The following RDH16 variants were observed in gnomAD, a reference collection of about 807,000 sequenced individuals.
The protein encoded by RDH16 is human epidermal retinol dehydrogenase.
In RDH16, 25 loss-of-function variants were observed where a neutral mutation model predicts 22.3. That is an observed-to-expected ratio of 1.12 (90% confidence interval 0.82 to 1.56). RDH16 has a LOEUF of 1.56. Ranked by LOEUF, RDH16 falls within the 40% of genes most tolerant of loss-of-function variation. The pLI, the probability that RDH16 is intolerant of heterozygous loss-of-function variation, is 0.00. For synonymous variants in RDH16, 154 were observed against 164.4 expected (o/e 0.94, Z 0.48); for missense variants, 413 against 394.9 (o/e 1.05, Z -0.39).
chr12:56,953,118 T>A, intron 2 of RDH16, 128 bp from the exon 3 acceptor site: 1 of 873,862 alleles, frequency 1.1e-6, no homozygotes, highest in Non-Finnish European at 1.7e-6. Context: ...TTGGAATATT[T>A]AATTTCCAGC....
chr12:56,957,545 A>T lies in RDH16; in HGVS notation c.-83T>A. ...TTCAGACAGGAGGATTTAAGAACACAGAGGGCTGTGGTAGGCAGGGAAGCC... is the reference window on the plus strand; with the variant it reads ...TTCAGACAGGAGGATTTAAGAACACTGAGGGCTGTGGTAGGCAGGGAAGCC... On this transcript the variant is annotated 5_prime_UTR_variant, in exon 1 of 4. Transcript: ENST00000398138. 1 of 1,468,698 alleles carries T rather than the reference A, an allele frequency of 6.8e-7. No homozygotes were observed. The highest frequency in any genetic ancestry group is 9.2e-7 in the Non-Finnish European group (1 of 1,083,586). The allele number at this position is 1,468,698 out of a possible 1,614,324, so 91.0% of individuals were successfully genotyped here.
chr12:56,952,107 G>C lies in RDH16; in HGVS notation c.876C>G (p.Leu292=). 1 of 1,614,200 alleles carries C rather than the reference G, an allele frequency of 6.2e-7. No individual in the cohort carries two copies. The highest frequency in any genetic ancestry group is 8.5e-7 in the Non-Finnish European group (1 of 1,180,038). ...GGAAGGTGGGCATGTAGCTCATGGG[G>C]AGGTAGAGAAGCTTGGCATCCCAGC... ...SAGWDAKLLY[L]PMSYMPTFLV... is the part of the protein sequence containing the mutation. Residue 292 remains leucine, a synonymous_variant, in exon 4 of 4, where the codon CTC becomes CTG. Transcript: ENST00000398138.
chr12:56,957,017 T>G, intron 1 of RDH16, 133 bp downstream of exon 1: 16 of 894,800 alleles, frequency 1.8e-5, no homozygotes, highest in Non-Finnish European at 2.6e-5. Flanking sequence ...GCCTGTTAAG[T>G]GAGAAATATT....
chr12:56,957,268 TC>T lies in RDH16; in HGVS notation c.194del (p.Gly65GlufsTer5). The T allele has an allele frequency of 6.2e-7, 1 of 1,614,118 alleles. No individual in the cohort carries two copies. The highest frequency in any genetic ancestry group is 8.5e-7 in the Non-Finnish European group (1 of 1,180,026). ...AAGTCTGGCCCCTCAGCTGCTCGGC[TC>T]CTTTCTCCGTCAGACATGCAGCCAG... Reference protein sequence around the residue: ...RVLAACLTEKGAEQLRGQTSD... With the variant: ...RVLAACLTEKXAEQLRGQTSD... On this transcript the variant is annotated frameshift_variant, in exon 1 of 4. Transcript: ENST00000398138. LOFTEE classifies it high-confidence loss of function.
rs754364483 is a variant in RDH16 at position 56,957,464 on chromosome 12, G to A, written c.-2C>T. The A allele has an allele frequency of 2.5e-6, 4 of 1,606,838 alleles. No homozygotes were observed. The South Asian group carries it at 4.4e-5, about 18-fold the overall frequency. On this transcript the variant is annotated 5_prime_UTR_variant, in exon 1 of 4. Transcript: ENST00000398138. ...GAAAACCGCCAGGTAGAGCCACATG[G>A]CTTTGCAGAGGACAGACACAGACAG...
In RDH16 at chr12:56,957,236, C is replaced by A. The variant is rs141054345; in HGVS notation, c.227G>T (p.Arg76Met). ...AEQLRGQTSD[R>M]LETVTLDVTK... ...AACATCCAGGGTCACCGTCTCCAGC[C>A]TGTCTGAAGTCTGGCCCCTCAGCTG... Residue 76 changes from arginine to methionine, a missense_variant, in exon 1 of 4, where the codon AGG becomes ATG. Physicochemically the swap from Arg to Met is moderately conservative, Grantham distance 91 (BLOSUM62 -1). Transcript: ENST00000398138. The A allele has an allele frequency of 1.7e-4, 276 of 1,614,182 alleles. 2 individuals carry two copies. In the East Asian group the frequency reaches 4.7e-3, roughly 27 times the overall value.
chr12:56,954,488 G>A (rs1955908920), intron 2 of RDH16, among the ~76,000 whole-genome samples: 1 of 152,182 alleles, frequency 6.6e-6, no homozygotes, highest in Non-Finnish European at 1.5e-5. Context: ...ATACCAAGGT[G>A]CAATGGGAAG....
chr12:56,957,409 G>T lies in RDH16; in HGVS notation c.54C>A (p.Tyr18Ter), dbSNP rs1301676636. ...GGTGGCTCAGCACCTGCCTCTCCCG[G>T]TACCAGTGCAGAAGGTAGTACAGGC... ...FVGLYYLLHW[Y>*]RERQVLSHLR... Residue 18 changes from tyrosine to a stop codon, truncating the protein, a stop_gained, in exon 1 of 4, where the codon TAC (tyrosine) becomes TAA (stop). Coordinates refer to ENST00000398138, the MANE Select transcript of RDH16 (RefSeq NM_003708.5). LOFTEE classifies it high-confidence loss of function. 2 of 1,614,018 alleles carry T rather than the reference G, an allele frequency of 1.2e-6. No individual in the cohort carries two copies. Among genetic ancestry groups the T allele is most frequent in the Non-Finnish European group, 1.7e-6 (2 of 1,180,020 alleles).
chr12:56,954,808 G>T, intron 2 of RDH16, 98 bp downstream of exon 2: 2 of 1,300,344 alleles, frequency 1.5e-6, no homozygotes, highest in East Asian at 4.7e-5. Flanking sequence ...TCTCATGAAA[G>T]GAACTTACAG....
At chr12:56,953,125 C>A (rs1208708739) in intron 2 of RDH16, 135 bp from the exon 3 acceptor site, 1 of 840,842 alleles carries the variant, frequency 1.2e-6, no homozygotes, top group Non-Finnish European at 1.8e-6. Flanking sequence ...ATTTAATTTC[C>A]AGCAATCAAG....
chr12:56,953,364 T>C (rs766642764), intron 2 of RDH16, among the ~76,000 whole-genome samples: 1 of 152,336 alleles, frequency 6.6e-6, no homozygotes, highest in South Asian at 2.1e-4. Flanking sequence ...CCCTGGCCTC[T>C]GAGCTGGGTG....
intron 2 of RDH16, 98 bp from the exon 3 acceptor site, chr12:56,953,088 C>A: frequency 9.2e-7 from 1 of 1,082,452 alleles, no homozygotes; most frequent in Non-Finnish European, 1.3e-6. Context: ...CATATGAGGA[C>A]AATGGGTAAA....
In RDH16 at chr12:56,952,134, A is replaced by G. The variant is rs778942970; in HGVS notation, c.849T>C (p.Ala283=). ...IACHPRTRYS[A]GWDAKLLYLP... is the part of the protein sequence containing the mutation. Reference sequence around the variant, plus strand: ...GGTAGAGAAGCTTGGCATCCCAGCCAGCTGAGTAGCGAGTACGGGGGTGGC... The same window carrying G: ...GGTAGAGAAGCTTGGCATCCCAGCCGGCTGAGTAGCGAGTACGGGGGTGGC... Residue 283 remains alanine (A), a synonymous_variant, in exon 4 of 4, where the codon GCT becomes GCC. Coordinates refer to ENST00000398138, the MANE Select transcript of RDH16 (RefSeq NM_003708.5). 9.3e-6 allele frequency: 15 copies of G among 1,614,084 alleles called. No homozygotes were observed. Among genetic ancestry groups the G allele is most frequent in the Non-Finnish European group, 1.3e-5 (15 of 1,180,046 alleles).
At chr12:56,953,470 A>G (rs1281287983) in intron 2 of RDH16, among the ~76,000 whole-genome samples, 2 of 152,168 alleles carry the variant, frequency 1.3e-5, no homozygotes, top group Non-Finnish European at 2.9e-5. Context: ...CTAGAAGCTG[A>G]CTGGACCAAG....
chr12:56,952,599 C>T (rs1318956911), intron 3 of RDH16, among the ~76,000 whole-genome samples: 2 of 152,304 alleles, frequency 1.3e-5, no homozygotes, highest in Non-Finnish European at 2.9e-5. Flanking sequence ...TCCTCAGTAA[C>T]GATGGGTTCA....
At position 56,957,497 on chromosome 12, in the gene RDH16, G is replaced by A. The variant is rs1027852815; in HGVS notation, c.-35C>T. 6.4e-7 allele frequency: 1 copy of A among 1,574,492 alleles called. No homozygotes were observed. Among genetic ancestry groups the A allele is most frequent in the Non-Finnish European group, 8.7e-7 (1 of 1,155,884 alleles). ...GAGGACAGACACAGACAGGCTGTGG[G>A]GGAAACCAGAGTCTGGCCTCTGTTC... On this transcript the variant is annotated 5_prime_UTR_variant, in exon 1 of 4. Transcript: ENST00000398138.
chr12:56,952,021 C>T lies in RDH16; in HGVS notation c.*8G>A, dbSNP rs1955884052. ...CAAATCCATGCAACCATGCATCCAA[C>T]CTTAGCTTCATAGAGCCTTGGCCGG... is the stretch of plus-strand genomic sequence containing the variant. On this transcript the variant is annotated 3_prime_UTR_variant, in exon 4 of 4. Transcript: ENST00000398138. 7 of 1,612,800 alleles carry T rather than the reference C, an allele frequency of 4.3e-6. No homozygotes were observed. The highest frequency in any genetic ancestry group is 5.9e-6 in the Non-Finnish European group (7 of 1,178,884).
Position 56,952,036 on chromosome 12 carries a change from G to A in RDH16, c.947C>T (p.Ala316Val). 1.2e-6 allele frequency: 2 copies of A among 1,613,946 alleles called. No individual in the cohort carries two copies. The highest frequency in any genetic ancestry group is 1.7e-4 in the Middle Eastern group (1 of 6,058). Residue 316 changes from alanine to valine, a missense_variant, in exon 4 of 4, where the codon GCT becomes GTT. Physicochemically the swap from Ala to Val is moderately conservative, Grantham distance 64. Transcript: ENST00000398138. ...MYWVSPSPAK[A>V]L ...ATGCATCCAACCTTAGCTTCATAGA[G>A]CCTTGGCCGGGCTTGGAGAGACCCA...
At chr12:56,956,663 A>G (rs1955930926) in intron 1 of RDH16, among the ~76,000 whole-genome samples, 1 of 152,110 alleles carries the variant, frequency 6.6e-6, no homozygotes, top group Non-Finnish European at 1.5e-5. Flanking sequence ...CCTTAAGCTG[A>G]TACTCTCCTC....
Sources: gnomAD v4.1 joint callset for allele counts (sites outside exome capture counted in the v4.1 genomes callset) on GRCh38, gnomAD v4.1.1 for gene constraint, MANE v1.5 for transcripts, NCBI Gene and HGNC (gene_info 2026-07-23, HGNC 2026-07-21) for gene names.